TCERG1L: variants seen among roughly 807,000 people sequenced by gnomAD.
The protein encoded by TCERG1L is transcription elongation regulator 1 like.
Under a neutral mutation model 56.3 loss-of-function variants are expected in TCERG1L, and 37 were observed. The observed-to-expected ratio is 0.66, with a 90% confidence interval of 0.51 to 0.87. The LOEUF (loss-of-function observed/expected upper bound fraction) is 0.87, where lower values mean the gene tolerates loss of function less well. TCERG1L is among the 40% of genes least tolerant of loss of function. The pLI, the probability that TCERG1L is intolerant of heterozygous loss-of-function variation, is 0.00. For synonymous variants in TCERG1L, 324 were observed against 326.3 expected (o/e 0.99, Z 0.08); for missense variants, 799 against 774.2 (o/e 1.03, Z -0.38).
At chr10:131,249,631 T>C (rs1846083845) in intron 4 of TCERG1L, among the ~76,000 whole-genome samples, 1 of 152,232 alleles carries the variant, frequency 6.6e-6, no homozygotes, top group African/African-American at 2.4e-5. Flanking sequence ...GCCTCAGAAG[T>C]AAGCTTTCTT....
chr10:131,176,362 GCACATGCACACACACCAAAA>G lies in TCERG1L; in HGVS notation c.857-9497_857-9478del, dbSNP rs1300374029. Among the ~76,000 whole-genome samples, 8 of 122,380 alleles carry G rather than the reference GCACATGCACACACACCAAAA, an allele frequency of 6.5e-5. No individual in the cohort carries two copies. In the Admixed American group the frequency reaches 6.9e-4, roughly 11 times the overall value. 80.3% of individuals were successfully genotyped at this position (122,380 alleles called of 152,430 possible). ...CACAGAGATAGGCACATACAAAGAG[GCACATGCACACACACCAAAA>G]CACATGCACACACACCATGACATGT... On this transcript the variant is annotated intron_variant, in intron 4 of 11. Transcript: ENST00000368642.
At chr10:131,156,653 G>A (rs1000467451) in intron 6 of TCERG1L, among the ~76,000 whole-genome samples, 2 of 152,202 alleles carry the variant, frequency 1.3e-5, no homozygotes, top group East Asian at 3.9e-4. Context: ...TGACCTAATC[G>A]GTTATGTTAT....
chr10:131,241,697 T>A (rs1845975755), intron 4 of TCERG1L, among the ~76,000 whole-genome samples: 1 of 152,108 alleles, frequency 6.6e-6, no homozygotes, highest in Admixed American at 6.5e-5. Context: ...TATAAAAACA[T>A]AATATAGAAC....
intron 4 of TCERG1L, among the ~76,000 whole-genome samples, chr10:131,253,429 T>C (rs1003543494): frequency 6.6e-6 from 1 of 152,126 alleles, no homozygotes; most frequent in Non-Finnish European, 1.5e-5. Context: ...TCCACAGGCC[T>C]TTCAGCTTGA....
At chr10:131,282,532 G>T (rs1846471346) in intron 3 of TCERG1L, among the ~76,000 whole-genome samples, 1 of 152,126 alleles carries the variant, frequency 6.6e-6, no homozygotes, top group Non-Finnish European at 1.5e-5. Flanking sequence ...ACTAGAAGTT[G>T]ATTAACTTAC....
intron 3 of TCERG1L, among the ~76,000 whole-genome samples, chr10:131,286,194 G>A (rs7093115): frequency 0.053 from 8,107 of 152,182 alleles, 339 homozygotes; most frequent in African/African-American, 0.11. Flanking sequence ...GGGTTAAGAG[G>A]CCTTTAAAAC....
intron 10 of TCERG1L, among the ~76,000 whole-genome samples, chr10:131,098,699 C>T (rs1384074060): frequency 1.1e-4 from 16 of 152,198 alleles, no homozygotes; most frequent in Non-Finnish European, 4.4e-5. Context: ...TGGAGAAACC[C>T]GGAGAATGAC....
At chr10:131,273,754 G>A (rs1301163402) in intron 3 of TCERG1L, among the ~76,000 whole-genome samples, 1 of 152,168 alleles carries the variant, frequency 6.6e-6, no homozygotes, top group Admixed American at 6.5e-5. Context: ...GTGCTTCCAG[G>A]AAGCCCCAGG....
At chr10:131,116,655 G>C in intron 9 of TCERG1L, 144 bp downstream of exon 9, 1 of 1,123,624 alleles carries the variant, frequency 8.9e-7, no homozygotes, top group Admixed American at 2.1e-5. Flanking sequence ...CAGTAAGGAG[G>C]ACACATCATC....
intron 4 of TCERG1L, among the ~76,000 whole-genome samples, chr10:131,209,560 TA>T (rs1845593325): frequency 6.6e-6 from 1 of 152,226 alleles, no homozygotes; most frequent in Non-Finnish European, 1.5e-5. Context: ...GTAAATGTCT[TA>T]GATAAATGCA....
At chr10:131,154,943 G>C (rs993676259) in intron 6 of TCERG1L, among the ~76,000 whole-genome samples, 1 of 152,196 alleles carries the variant, frequency 6.6e-6, no homozygotes, top group South Asian at 2.1e-4. Flanking sequence ...CTCATAAATC[G>C]ATAGGGCTAG....
intron 4 of TCERG1L, among the ~76,000 whole-genome samples, chr10:131,178,431 GC>G (rs1372834667): frequency 2.0e-5 from 3 of 152,188 alleles, no homozygotes; most frequent in Admixed American, 1.3e-4. Context: ...TCTTCAAACA[GC>G]TTGAAAGGTC....
chr10:131,097,412 A>G (rs1458759539), intron 11 of TCERG1L, among the ~76,000 whole-genome samples: 2 of 152,078 alleles, frequency 1.3e-5, no homozygotes, highest in African/African-American at 4.8e-5. Context: ...CAGTGGTGCA[A>G]TCAAGGCTCA....
chr10:131,176,895 CAG>C lies in TCERG1L; in HGVS notation c.857-10012_857-10011del, dbSNP rs1244968910. The stretch of plus-strand genomic sequence containing the variant: ...ACACACACCAAAACACATGCACACA[CAG>C]ACACATTCACACACCAAGATACATG... On this transcript the variant is annotated intron_variant, in intron 4 of 11. Transcript: ENST00000368642. 1.2e-4 allele frequency among the ~76,000 whole-genome samples: 6 copies of C among 50,894 alleles called. No individual in the cohort carries two copies. In the East Asian group the frequency reaches 1.9e-3, roughly 16 times the overall value. The allele number at this position is 50,894 out of a possible 152,430, so 33.4% of individuals were successfully genotyped here. A position where few individuals can be genotyped will look rare whatever the true frequency, so the allele number is the denominator to read the frequency against.
intron 4 of TCERG1L, among the ~76,000 whole-genome samples, chr10:131,206,557 A>C (rs1845529840): frequency 6.6e-6 from 1 of 152,254 alleles, no homozygotes; most frequent in Admixed American, 6.5e-5. Flanking sequence ...CCCTGGGTGC[A>C]AAGTCCGTGC....
chr10:131,235,151 T>C (rs985268988), intron 4 of TCERG1L, among the ~76,000 whole-genome samples: 1 of 152,198 alleles, frequency 6.6e-6, no homozygotes, highest in South Asian at 2.1e-4. Flanking sequence ...CCAAGGTCGA[T>C]TAAAATTCTA....
chr10:131,238,265 G>A (rs731525), intron 4 of TCERG1L, among the ~76,000 whole-genome samples: 1,838 of 152,336 alleles, frequency 0.012, 24 homozygotes, highest in Admixed American at 0.021. Context: ...CCACACTGGA[G>A]TACACACAGT....
At chr10:131,277,013 A>G (rs1042500610) in intron 3 of TCERG1L, among the ~76,000 whole-genome samples, 2 of 152,262 alleles carry the variant, frequency 1.3e-5, no homozygotes, top group African/African-American at 2.4e-5. Context: ...TCATGTCAAT[A>G]TGACATAGCA....
intron 4 of TCERG1L, among the ~76,000 whole-genome samples, chr10:131,219,257 G>C (rs767649359): frequency 2.0e-5 from 3 of 152,206 alleles, no homozygotes; most frequent in African/African-American, 7.2e-5. Flanking sequence ...AGGCCAATTC[G>C]GGAGCCTCTG....
Sources: allele counts gnomAD v4.1 joint callset (sites outside exome capture counted in the v4.1 genomes callset), GRCh38; gene constraint gnomAD v4.1.1; transcripts MANE v1.5; gene names NCBI Gene and HGNC (gene_info 2026-07-23, HGNC 2026-07-21).